LCP2: variants seen among roughly 807,000 people sequenced by gnomAD.
The protein encoded by LCP2 is lymphocyte cytosolic protein 2.
LCP2 carries 29 observed loss-of-function variants against 74.5 expected under a neutral mutation model. The ratio of observed to expected loss-of-function variants is 0.39; its 90% CI spans 0.29 to 0.53. The LOEUF is 0.53. Ranked by LOEUF, LCP2 falls within the 20% of genes least tolerant of loss-of-function variation. LCP2 has a pLI of 0.72. For synonymous variants in LCP2, 228 were observed against 229.5 expected, an observed-to-expected ratio of 0.99 and a Z score of 0.06; for missense variants, 604 against 634.6, an observed-to-expected ratio of 0.95 and a Z score of 0.52.
rs373422339 is a variant in LCP2 at position 170,260,692 on chromosome 5, T to C, written c.957+415A>G. 6.6e-5 allele frequency among the ~76,000 whole-genome samples: 10 copies of C among 152,364 alleles called. No individual in the cohort carries two copies. In the South Asian group the frequency reaches 1.2e-3, roughly 19 times the overall value. ...TTTAACTGGCATGGCAATGTGCATA[T>C]GGTAAGCATTCAAGAAATGCTATTT... On this transcript the variant is annotated intron_variant, in intron 14 of 20. Coordinates refer to ENST00000046794, the MANE Select transcript of LCP2 (RefSeq NM_005565.5).
At chr5:170,259,571 A>G (rs1375487206) in intron 14 of LCP2, among the ~76,000 whole-genome samples, 1 of 152,252 alleles carries the variant, frequency 6.6e-6, no homozygotes, top group Non-Finnish European at 1.5e-5. Flanking sequence ...CAAAAGGGCC[A>G]GCTTGAACTT....
At chr5:170,258,993 C>A (rs1761608753) in intron 14 of LCP2, 115 bp from the exon 15 acceptor site, 2 of 687,580 alleles carry the variant, frequency 2.9e-6, no homozygotes, top group Admixed American at 2.5e-5. Flanking sequence ...CTTTCTCTGG[C>A]AGTTATACAT....
At chr5:170,274,239 T>A in intron 6 of LCP2, 62 bp downstream of exon 6, 1 of 1,568,818 alleles carries the variant, frequency 6.4e-7, no homozygotes, top group Non-Finnish European at 8.7e-7. Context: ...TCCTGGCTCC[T>A]TATCACAAAG....
At chr5:170,251,659 T>C (rs2113148932) in intron 19 of LCP2, 1 of 456,162 alleles carries the variant, frequency 2.2e-6, no homozygotes, top group Middle Eastern at 3.3e-4. Context: ...TAATTGAGCC[T>C]GTCAGAACAT....
Position 170,287,826 on chromosome 5 carries a change from A to G in LCP2, c.188+144T>C, listed in dbSNP as rs1762208835. The G allele has an allele frequency of 5.4e-6, 4 of 741,538 alleles. No individual in the cohort carries two copies. The Admixed American group carries it at 8.4e-5, about 16-fold the overall frequency. 45.9% of individuals were successfully genotyped at this position (741,538 alleles called of 1,614,324 possible). ...GCTCTTCATGTAACTTCTGTTCCCC[A>G]CATCCTGCCCTTGCCCTCATCCTTC... On this transcript the variant is annotated intron_variant, in intron 3 of 20. Coordinates refer to ENST00000046794, the MANE Select transcript of LCP2 (RefSeq NM_005565.5).
chr5:170,262,110 C>G (rs945086305), intron 13 of LCP2, among the ~76,000 whole-genome samples: 3 of 152,136 alleles, frequency 2.0e-5, no homozygotes, highest in African/African-American at 4.8e-5. Flanking sequence ...TTGGCCTTAA[C>G]CCCAGGTACA....
intron 3 of LCP2, among the ~76,000 whole-genome samples, chr5:170,280,357 A>C (rs1762079532): frequency 6.8e-6 from 1 of 147,168 alleles, no homozygotes; most frequent in Non-Finnish European, 1.5e-5. Context: ...ACACATTCCC[A>C]CTCTCAGCCC....
intron 20 of LCP2, 56 bp from the exon 21 acceptor site, chr5:170,248,875 C>T (rs200285093): frequency 1.8e-4 from 285 of 1,580,454 alleles, no homozygotes; most frequent in Non-Finnish European, 2.4e-4. Context: ...GCAGGAACTT[C>T]ACTTTCAGTT....
At chr5:170,278,339 G>A (rs1462251949) in intron 3 of LCP2, among the ~76,000 whole-genome samples, 32 of 62,008 alleles carry the variant, frequency 5.2e-4, no homozygotes, top group Non-Finnish European at 9.3e-4. Context: ...GGGGATGGGA[G>A]TGCAGGGGGG....
At chr5:170,283,211 C>T (rs558494083) in intron 3 of LCP2, among the ~76,000 whole-genome samples, 1 of 152,254 alleles carries the variant, frequency 6.6e-6, no homozygotes, top group South Asian at 2.1e-4. Context: ...GGGATTACAT[C>T]GCAGGCCAAG....
At position 170,272,597 on chromosome 5, in the gene LCP2, CTTTTTTTTTTTTTTT is replaced by C. The variant is rs61463939; in HGVS notation, c.324+1689_325-1681del. Among the ~76,000 whole-genome samples the C allele has an allele frequency of 6.4e-4, 26 of 40,356 alleles. No individual in the cohort carries two copies. The East Asian group carries it at 0.024, about 37-fold the overall frequency. The allele number at this position is 40,356 out of a possible 152,430, so 26.5% of individuals were successfully genotyped here. A position where few individuals can be genotyped will look rare whatever the true frequency, so the allele number is the denominator to read the frequency against. ...ATAACTGTAACCCATCAAATATTTT[CTTTTTTTTTTTTTTT>C]TTTTTTTTTTTTTTTTGAGATGGAG... is the stretch of plus-strand genomic sequence containing the variant. On this transcript the variant is annotated intron_variant, in intron 6 of 20. Coordinates refer to ENST00000046794, the MANE Select transcript of LCP2 (RefSeq NM_005565.5).
Position 170,247,804 on chromosome 5 carries a change from C to T in LCP2, c.*893G>A, listed in dbSNP as rs1346661366. 6.6e-6 allele frequency: 1 copy of T among 152,156 alleles called. No individual in the cohort carries two copies. Among genetic ancestry groups the T allele is most frequent in the African/African-American group, 2.4e-5 (1 of 41,414 alleles). 9.4% of individuals were successfully genotyped at this position (152,156 alleles called of 1,614,324 possible). On this transcript the variant is annotated 3_prime_UTR_variant, in exon 21 of 21. Transcript: ENST00000046794. ...ATCTAAAGTGTTGCTCCCTCGTCTT[C>T]CCAGGAAGCCTTTGGTAAAATCTAT...
chr5:170,273,569 CT>C (rs1462891907), intron 6 of LCP2, among the ~76,000 whole-genome samples: 12 of 152,150 alleles, frequency 7.9e-5, no homozygotes, highest in African/African-American at 1.2e-4. Flanking sequence ...CTCTAACTAA[CT>C]TTGTGTTCTA....
intron 1 of LCP2, 115 bp downstream of exon 1, chr5:170,297,419 G>A: frequency 1.2e-6 from 1 of 857,400 alleles, no homozygotes; most frequent in Non-Finnish European, 1.8e-6. Context: ...TTGCCATAGG[G>A]TTCCATTGCT....
intron 18 of LCP2, 53 bp downstream of exon 18, chr5:170,253,066 T>G (rs961059839): frequency 8.7e-7 from 1 of 1,143,754 alleles, no homozygotes; most frequent in Non-Finnish European, 1.3e-6. Context: ...TTTCTGGTGA[T>G]TCTTTTACCA....
chr5:170,263,054 AAC>A (rs2113167738), intron 10 of LCP2, 62 bp from the exon 11 acceptor site: 1 of 1,580,472 alleles, frequency 6.3e-7, no homozygotes, highest in Non-Finnish European at 8.7e-7. Flanking sequence ...GAGGTTTAAA[AAC>A]ACAGTTTGAT....
Position 170,270,702 on chromosome 5 carries a change from C to T in LCP2, c.523+17G>A, listed in dbSNP as rs758255524. On this transcript the variant is annotated intron_variant, in intron 7 of 20. Transcript: ENST00000046794. ...TTTGGGCTGCTCGGGCCAGAAAATC[C>T]GGAAACGGGCCCTTACCGATGTACA... is the stretch of plus-strand genomic sequence containing the variant. The T allele has an allele frequency of 3.9e-6, 6 of 1,545,512 alleles. No homozygotes were observed. Among genetic ancestry groups the T allele is most frequent in the African/African-American group, 1.4e-5 (1 of 71,410 alleles).
Position 170,268,408 on chromosome 5 carries a change from GGGGC to G in LCP2, c.594_597del (p.Pro199HisfsTer36). The G allele has an allele frequency of 2.6e-6, 2 of 771,074 alleles. No homozygotes were observed. The highest frequency in any genetic ancestry group is 1.7e-6 in the Non-Finnish European group (1 of 587,236). 47.8% of individuals were successfully genotyped at this position (771,074 alleles called of 1,614,324 possible). A position where few individuals can be genotyped will look rare whatever the true frequency, so the allele number is the denominator to read the frequency against. ...ACCGAGTGATTCCGGCCGGCTGGTGGGGGCGGGAGGGCGGCCATCGGTCTCTGGG... is the reference window on the plus strand; with the variant it reads ...ACCGAGTGATTCCGGCCGGCTGGTGGGGGAGGGCGGCCATCGGTCTCTGGG... On this transcript the variant is annotated frameshift_variant, in exon 8 of 21. Coordinates refer to ENST00000046794, the MANE Select transcript of LCP2 (RefSeq NM_005565.5). LOFTEE classifies it high-confidence loss of function.
intron 5 of LCP2, 121 bp downstream of exon 5, chr5:170,275,199 G>T: frequency 9.3e-7 from 1 of 1,074,870 alleles, no homozygotes; most frequent in Non-Finnish European, 1.4e-6. Flanking sequence ...AGAACTGGCT[G>T]ACAGACAAGT....
Sources: allele counts gnomAD v4.1 joint callset (sites outside exome capture counted in the v4.1 genomes callset), GRCh38; gene constraint gnomAD v4.1.1; transcripts MANE v1.5; gene names NCBI Gene and HGNC (gene_info 2026-07-23, HGNC 2026-07-21).